The following MACROH2A2 variants were observed in gnomAD, a reference collection of about 807,000 sequenced individuals.
The protein encoded by MACROH2A2 is core histone macro-H2A.2.
In MACROH2A2, 6 loss-of-function variants were observed where a neutral mutation model predicts 37.6. The observed-to-expected ratio is 0.16, with a 90% CI of 0.09 to 0.32. The LOEUF (loss-of-function observed/expected upper bound fraction) is 0.32, where lower values mean the gene tolerates loss of function less well. Ranked by LOEUF, MACROH2A2 falls within the 10% of genes least tolerant of loss-of-function variation. The pLI, the probability that MACROH2A2 is intolerant of heterozygous loss-of-function variation, is 1.00. For missense variants in MACROH2A2, 290 were observed against 485.9 expected (o/e 0.60, Z 3.79); for synonymous variants, 192 against 202.7 (o/e 0.95, Z 0.45).
rs375593587 is a variant in MACROH2A2 at position 70,075,643 on chromosome 10, G to A, written c.-16G>A. On this transcript the variant is annotated 5_prime_UTR_variant, in exon 2 of 9. Coordinates refer to ENST00000373255, the MANE Select transcript of MACROH2A2 (RefSeq NM_018649.3). This position sits in a 1 kb window ranked among gnomAD's most constrained non-coding sequence, Gnocchi z 5.0. Reference sequence around the variant, plus strand: ...AGGCCACTGTGTCAGCAAGCTGAGAGGGAAACTGAAGCAAGATGTCGGGCC... The same window carrying A: ...AGGCCACTGTGTCAGCAAGCTGAGAAGGAAACTGAAGCAAGATGTCGGGCC... 1.9e-6 allele frequency: 3 copies of A among 1,613,460 alleles called. No individual in the cohort carries two copies. The African/African-American group carries it at 4.0e-5, about 22-fold the overall frequency.
chr10:70,066,657 A>G (rs1447295858), intron 1 of MACROH2A2, among the ~76,000 whole-genome samples: 1 of 152,250 alleles, frequency 6.6e-6, no homozygotes, highest in African/African-American at 2.4e-5. Flanking sequence ...TTGTCAACAC[A>G]GAAAAATATG....
intron 1 of MACROH2A2, among the ~76,000 whole-genome samples, chr10:70,054,473 G>C (rs185663554): frequency 1.5e-3 from 227 of 152,262 alleles, no homozygotes; most frequent in African/African-American, 5.3e-3. Context: ...TTAGTCCACC[G>C]CGGCAAATGG....
chr10:70,057,419 T>G (rs1178859735), intron 1 of MACROH2A2, among the ~76,000 whole-genome samples: 1 of 152,224 alleles, frequency 6.6e-6, no homozygotes, highest in African/African-American at 2.4e-5. Flanking sequence ...TAGATTATGA[T>G]TTTGTGAAAT....
intron 1 of MACROH2A2, among the ~76,000 whole-genome samples, chr10:70,063,369 A>G (rs1015763257): frequency 2.0e-5 from 3 of 152,152 alleles, no homozygotes; most frequent in African/African-American, 4.8e-5. Context: ...AATTTTAAAT[A>G]TTGTTTATGG....
chr10:70,070,967 G>A (rs980370711), intron 1 of MACROH2A2, among the ~76,000 whole-genome samples: 2 of 142,938 alleles, frequency 1.4e-5, no homozygotes, highest in African/African-American at 5.9e-5. Context: ...AGGAAAGTGT[G>A]TGTGTGTGTG....
Position 70,111,926 on chromosome 10 carries a change from T to TA in MACROH2A2, c.*250dup, listed in dbSNP as rs956376815. On this transcript the variant is annotated 3_prime_UTR_variant, in exon 9 of 9. Transcript: ENST00000373255. ...TCCTCCTGTTGTTTTAGAACTTTTT[T>TA]AAAAAAACAGACCTCGTTTTAGATT... is the stretch of plus-strand genomic sequence containing the variant. 4.0e-4 allele frequency: 135 copies of TA among 339,954 alleles called. No individual in the cohort carries two copies. Among genetic ancestry groups the TA allele is most frequent in the Non-Finnish European group, 6.0e-4 (114 of 189,234 alleles). The allele number at this position is 339,954 out of a possible 1,614,324, so 21.1% of individuals were successfully genotyped here.
intron 2 of MACROH2A2, among the ~76,000 whole-genome samples, chr10:70,080,186 G>A (rs2072166930): frequency 6.6e-6 from 1 of 152,038 alleles, no homozygotes; most frequent in African/African-American, 2.4e-5. Flanking sequence ...GGCTGAGGCA[G>A]GAGAATCACT....
intron 1 of MACROH2A2, among the ~76,000 whole-genome samples, chr10:70,065,872 C>T (rs774342881): frequency 3.3e-5 from 5 of 152,112 alleles, no homozygotes; most frequent in Non-Finnish European, 5.9e-5. Flanking sequence ...TCAGGTTGAA[C>T]CAACTTATTG....
intron 2 of MACROH2A2, among the ~76,000 whole-genome samples, chr10:70,078,714 C>T (rs2072155422): frequency 6.6e-6 from 1 of 152,220 alleles, no homozygotes; most frequent in African/African-American, 2.4e-5. Flanking sequence ...GTATAAATGA[C>T]TAATTCCATT....
chr10:70,080,234 G>A (rs903423713), intron 2 of MACROH2A2, among the ~76,000 whole-genome samples: 5 of 151,472 alleles, frequency 3.3e-5, no homozygotes, highest in African/African-American at 1.2e-4. Context: ...AGCCGAGATC[G>A]CGTCATTGCA....
chr10:70,096,415 A>G (rs2072276960), intron 6 of MACROH2A2, among the ~76,000 whole-genome samples: 1 of 152,192 alleles, frequency 6.6e-6, no homozygotes, highest in Non-Finnish European at 1.5e-5. Flanking sequence ...ATATATCGTA[A>G]GCTTAAATAT....
Position 70,091,858 on chromosome 10 carries a change from C to A in MACROH2A2, c.381C>A (p.Ile127=), listed in dbSNP as rs749376425. 1 of 1,613,970 alleles carries A rather than the reference C, an allele frequency of 6.2e-7. No individual in the cohort carries two copies. The highest frequency in any genetic ancestry group is 2.2e-5 in the East Asian group (1 of 44,874). ...GGACCAAAGGCAAGTCGGAAACGAT[C>A]CTCTCCCCACCCCCAGAGAAAAGAG... ...KRGTKGKSET[I]LSPPPEKRGR... is the part of the protein sequence containing the mutation. Residue 127 remains isoleucine, a synonymous_variant, in exon 4 of 9, where the codon ATC becomes ATA. Coordinates refer to ENST00000373255, the MANE Select transcript of MACROH2A2 (RefSeq NM_018649.3).
intron 2 of MACROH2A2, among the ~76,000 whole-genome samples, chr10:70,078,675 T>A (rs2136627240): frequency 6.6e-6 from 1 of 152,306 alleles, no homozygotes; most frequent in East Asian, 1.9e-4. Flanking sequence ...CCCCCTCTAT[T>A]AAGAGCTGAC....
intron 1 of MACROH2A2, among the ~76,000 whole-genome samples, chr10:70,067,785 A>T (rs73271687): frequency 0.055 from 8,438 of 152,230 alleles, 282 homozygotes; most frequent in Middle Eastern, 0.075. Context: ...CCCAAAGTTG[A>T]TGAAGTCAGA....
intron 1 of MACROH2A2, among the ~76,000 whole-genome samples, chr10:70,064,639 T>C (rs1165889335): frequency 6.6e-6 from 1 of 152,188 alleles, no homozygotes; most frequent in South Asian, 2.1e-4. Context: ...ATTCTCCTGA[T>C]AGTGAATAAG....
intron 1 of MACROH2A2, among the ~76,000 whole-genome samples, chr10:70,068,710 T>C (rs2072092323): frequency 2.0e-5 from 3 of 152,152 alleles, no homozygotes; most frequent in South Asian, 4.1e-4. Context: ...CTGGTAGTGG[T>C]GGGGTCCCAC....
chr10:70,055,530 C>T (rs1036424177), intron 1 of MACROH2A2, among the ~76,000 whole-genome samples: 10 of 148,742 alleles, frequency 6.7e-5, no homozygotes, highest in Non-Finnish European at 1.3e-4. Context: ...TTAAACACCT[C>T]TAGATAGGGA....
chr10:70,108,745 A>T (rs2072352139), intron 7 of MACROH2A2, among the ~76,000 whole-genome samples: 1 of 152,224 alleles, frequency 6.6e-6, no homozygotes, highest in African/African-American at 2.4e-5. Flanking sequence ...ACTAGGAACC[A>T]TTGTGAGGAG....
intron 1 of MACROH2A2, among the ~76,000 whole-genome samples, chr10:70,063,177 A>G (rs184520328): frequency 1.3e-5 from 2 of 152,330 alleles, no homozygotes; most frequent in African/African-American, 4.8e-5. Context: ...TACTTGATAA[A>G]GAAATTATTT....
Sources: gnomAD v4.1 joint callset for allele counts (sites outside exome capture counted in the v4.1 genomes callset) on GRCh38, gnomAD v4.1.1 for gene constraint, Gnocchi (gnomAD v3.1) non-coding constraint, MANE v1.5 for transcripts, NCBI Gene and HGNC (gene_info 2026-07-23, HGNC 2026-07-21) for gene names.